Variants in STK36 observed in about 807,000 individuals in gnomAD.
The protein encoded by STK36 is serine/threonine kinase 36, also known as serine/threonine-protein kinase 36.
Under a neutral mutation model 142.2 loss-of-function variants are expected in STK36, and 116 were observed. The observed-to-expected ratio is 0.82, with a 90% CI of 0.70 to 0.95. The LOEUF is 0.95. STK36 is among the 40% of genes least tolerant of loss of function. STK36 has a pLI of 0.00. For synonymous variants in STK36, 619 were observed against 641.7 expected, an observed-to-expected ratio of 0.96 and a Z score of 0.53; for missense variants, 1,422 against 1,617.2, an observed-to-expected ratio of 0.88 and a Z score of 2.07.
chr2:218,701,837 T>C (rs1941452146), intron 26 of STK36, 29 bp from the exon 27 acceptor site: 1 of 1,612,000 alleles, frequency 6.2e-7, no homozygotes, highest in Middle Eastern at 1.7e-4. Context: ...CCTCATGTTC[T>C]GTTCTATCAT....
chr2:218,702,549 ATATGTGTGTGTG>A lies in STK36; in HGVS notation c.*554_*565del, dbSNP rs1295402195. 1 of 152,312 alleles carries A rather than the reference ATATGTGTGTGTG, an allele frequency of 6.6e-6. No homozygotes were observed. The highest frequency in any genetic ancestry group is 1.5e-5 in the Non-Finnish European group (1 of 68,456). The allele number at this position is 152,312 out of a possible 1,614,324, so 9.4% of individuals were successfully genotyped here. A position where few individuals can be genotyped will look rare whatever the true frequency, so the allele number is the denominator to read the frequency against. ...GTATCTTTTTTTGGGGTGTGTGTGT[ATATGTGTGTGTG>A]TATGTGTGTGTGTGTTTAATAGTTC... is the stretch of plus-strand genomic sequence containing the variant. On this transcript the variant is annotated 3_prime_UTR_variant, in exon 27 of 27. Transcript: ENST00000295709.
chr2:218,675,514 C>T (rs377116837), intron 5 of STK36, 41 bp downstream of exon 5: 117 of 1,458,256 alleles, frequency 8.0e-5, no homozygotes, highest in African/African-American at 6.6e-4. Flanking sequence ...CAGTTCCACA[C>T]GGAATCTTTT....
rs761154087 is a variant in STK36, at chr2:218,690,595, A to G, written c.1764+40A>G. ...CTTCCAGATTTCTGTGTCTCCTATCATTCTCCGTGTTTCTCCCATCCCCTT... is the reference window on the plus strand; with the variant it reads ...CTTCCAGATTTCTGTGTCTCCTATCGTTCTCCGTGTTTCTCCCATCCCCTT... On this transcript the variant is annotated intron_variant, in intron 14 of 26. Coordinates refer to ENST00000295709, the MANE Select transcript of STK36 (RefSeq NM_015690.5). 4.0e-6 allele frequency: 6 copies of G among 1,493,316 alleles called. No individual in the cohort carries two copies. The South Asian group carries it at 6.8e-5, about 17-fold the overall frequency. 92.5% of individuals were successfully genotyped at this position (1,493,316 alleles called of 1,614,324 possible). A position where few individuals can be genotyped will look rare whatever the true frequency, so the allele number is the denominator to read the frequency against.
At chr2:218,698,467 C>A in intron 25 of STK36, 135 bp from the exon 26 acceptor site, 1 of 1,071,916 alleles carries the variant, frequency 9.3e-7, no homozygotes, top group Non-Finnish European at 1.4e-6. Flanking sequence ...ATGTGGAGTG[C>A]TGTGGGGCAG....
chr2:218,691,909 T>C (rs1356252634), intron 14 of STK36, among the ~76,000 whole-genome samples: 1 of 152,186 alleles, frequency 6.6e-6, no homozygotes, highest in Non-Finnish European at 1.5e-5. Flanking sequence ...TTGAGAAACA[T>C]CATCTAGGGA....
chr2:218,702,483 C>G lies in STK36; in HGVS notation c.*474C>G, dbSNP rs1351685144. The G allele has an allele frequency of 6.5e-6, 1 of 154,326 alleles. No homozygotes were observed. Among genetic ancestry groups the G allele is most frequent in the East Asian group, 1.9e-4 (1 of 5,240 alleles). The allele number at this position is 154,326 out of a possible 1,614,324, so 9.6% of individuals were successfully genotyped here. On this transcript the variant is annotated 3_prime_UTR_variant, in exon 27 of 27. Coordinates refer to ENST00000295709, the MANE Select transcript of STK36 (RefSeq NM_015690.5). ...TCAGTCCCTGTTATTGAGGGATTAT[C>G]CCTTAGCCAACATTCCTATCTGTGG...
At position 218,685,237 on chromosome 2, in the gene STK36, G is replaced by A; in HGVS notation, c.1380+9G>A. 3 of 1,614,166 alleles carry A rather than the reference G, an allele frequency of 1.9e-6. No homozygotes were observed. The highest frequency in any genetic ancestry group is 2.5e-6 in the Non-Finnish European group (3 of 1,180,006). On this transcript the variant is annotated intron_variant, in intron 11 of 26. Transcript: ENST00000295709. ...ATGAAGCTGGAGGGCAGGTAATGGG[G>A]AGAAAGACACTGTGGATGGGATCAA...
intron 9 of STK36, 129 bp from the exon 10 acceptor site, chr2:218,680,474 A>C (rs1317417898): frequency 1.4e-6 from 1 of 690,530 alleles, no homozygotes; most frequent in Non-Finnish European, 2.5e-6. Flanking sequence ...CCCAGAAAGA[A>C]GTCTCCTCTA....
Position 218,699,172 on chromosome 2 carries a change from C to A in STK36, c.3628C>A (p.Arg1210Ser). The A allele has an allele frequency of 6.2e-7, 1 of 1,614,056 alleles. No individual in the cohort carries two copies. The highest frequency in any genetic ancestry group is 8.5e-7 in the Non-Finnish European group (1 of 1,180,032). Reference sequence around the variant, plus strand: ...TGGAGATCCTCAGGCTGGTATCCGGCGCAATGTTGCATCAGCTCTGGGCAA... The same window carrying A: ...TGGAGATCCTCAGGCTGGTATCCGGAGCAATGTTGCATCAGCTCTGGGCAA... ...LLGDPQAGIR[R>S]NVASALGNLG... Residue 1210 changes from arginine (R) to serine (S), a missense_variant, in exon 26 of 27, where the codon CGC (arginine) becomes AGC (serine). Transcript: ENST00000295709.
Position 218,702,065 on chromosome 2 carries a change from A to G in STK36, c.*56A>G. The G allele has an allele frequency of 6.3e-7, 1 of 1,596,208 alleles. No individual in the cohort carries two copies. The highest frequency in any genetic ancestry group is 8.5e-7 in the Non-Finnish European group (1 of 1,171,026). Reference sequence around the variant, plus strand: ...TTGGTTGCCAGCTCTTTCTTATTCTACTACACAAGCCGCCAACTCAACTGA... The same window carrying G: ...TTGGTTGCCAGCTCTTTCTTATTCTGCTACACAAGCCGCCAACTCAACTGA... On this transcript the variant is annotated 3_prime_UTR_variant, in exon 27 of 27. Coordinates refer to ENST00000295709, the MANE Select transcript of STK36 (RefSeq NM_015690.5).
rs745417449 is a variant in STK36 at position 218,697,494 on chromosome 2, C to T, written c.2793C>T (p.Ala931=). ...CAGCCCTGCTGAGCCTGGCCATGGC[C>T]ACCTTTACCCAGGAGCCCCAGTTAT... ...GMAALLSLAM[A]TFTQEPQLCL... Residue 931 remains alanine, a synonymous_variant, in exon 24 of 27, where the codon GCC becomes GCT. Transcript: ENST00000295709. 78 of 1,614,086 alleles carry T rather than the reference C, an allele frequency of 4.8e-5. No homozygotes were observed. Among genetic ancestry groups the T allele is most frequent in the Admixed American group, 3.5e-4 (21 of 59,994 alleles).
Position 218,673,921 on chromosome 2 carries a change from A to G in STK36, c.268A>G (p.Ile90Val), listed in dbSNP as rs1438897809. The change falls in exon 4 of 27, where the codon ATC becomes GTC. Residue 90 changes from isoleucine to valine, a missense_variant. Ile to Val is a conservative substitution (Grantham distance 29). Around this residue, in one of 2 missense-constraint regions of STK36, gnomAD observed 460 missense variants for 449.6 expected, o/e 1.02. Transcript: ENST00000295709. ...TDYAEGELFQ[I>V]LEDDGKLPED... ...CTATGCTGAGGGAGAGCTCTTTCAG[A>G]TCCTAGAAGATGACGGAAAACTTCC... is the stretch of plus-strand genomic sequence containing the variant. 8 of 1,614,082 alleles carry G rather than the reference A, an allele frequency of 5.0e-6. No homozygotes were observed. Among genetic ancestry groups the G allele is most frequent in the Non-Finnish European group, 5.1e-6 (6 of 1,180,022 alleles).
intron 10 of STK36, among the ~76,000 whole-genome samples, chr2:218,682,768 G>GT (rs781147219): frequency 2.8e-4 from 42 of 151,850 alleles, no homozygotes; most frequent in Non-Finnish European, 5.0e-4. Flanking sequence ...TAATTTTTGT[G>GT]TTTTTTTAGA....
At chr2:218,675,997 C>T (rs1014171110) in intron 5 of STK36, 32 bp from the exon 6 acceptor site, 3 of 1,609,948 alleles carry the variant, frequency 1.9e-6, no homozygotes, top group South Asian at 1.1e-5. Flanking sequence ...ATATCTTTTC[C>T]CTTTCCATTT....
At chr2:218,690,018 C>T in intron 13 of STK36, 62 bp downstream of exon 13, 1 of 1,468,378 alleles carries the variant, frequency 6.8e-7, no homozygotes. Context: ...CCCCAAGTGC[C>T]CTTCCCATTT....
chr2:218,690,223 A>G (rs749635836), intron 13 of STK36, among the ~76,000 whole-genome samples: 2 of 151,996 alleles, frequency 1.3e-5, no homozygotes, highest in African/African-American at 2.4e-5. Flanking sequence ...CAGGAAGCCA[A>G]TTGGATTAAA....
chr2:218,678,619 G>T (rs981884611), intron 6 of STK36, among the ~76,000 whole-genome samples: 4 of 152,192 alleles, frequency 2.6e-5, no homozygotes, highest in African/African-American at 7.2e-5. Context: ...AGGATAAGGT[G>T]TATCCTTTTC....
At chr2:218,685,041 A>G in intron 10 of STK36, 44 bp from the exon 11 acceptor site, 1 of 1,611,784 alleles carries the variant, frequency 6.2e-7, no homozygotes, top group African/African-American at 1.3e-5. Flanking sequence ...ACTACCTTAG[A>G]CTTACACACT....
intron 21 of STK36, among the ~76,000 whole-genome samples, chr2:218,695,548 T>C (rs1461142596): frequency 1.4e-5 from 2 of 144,970 alleles, no homozygotes; most frequent in Non-Finnish European, 3.0e-5. Context: ...TTTTTTTTTT[T>C]TTTGAGACGG....
Sources: gnomAD v4.1 joint callset for allele counts (sites outside exome capture counted in the v4.1 genomes callset) on GRCh38, gnomAD v4.1.1 for gene constraint, gnomAD v4.1.1 regional missense constraint, MANE v1.5 for transcripts, NCBI Gene and HGNC (gene_info 2026-07-23, HGNC 2026-07-21) for gene names.